SPATA6: variants seen among roughly 807,000 people sequenced by gnomAD.
SPATA6 encodes the protein spermatogenesis-associated protein 6.
Under a neutral mutation model 65.3 loss-of-function variants are expected in SPATA6, and 56 were observed. The ratio of observed to expected loss-of-function variants is 0.86; its 90% CI spans 0.69 to 1.07. The LOEUF is 1.07. Ranked by LOEUF, SPATA6 falls within the 50% of genes least tolerant of loss-of-function variation. The probability of loss-of-function intolerance (pLI) is 0.00; values close to 1 mark genes in which losing one functional copy is unlikely to be tolerated. For missense variants in SPATA6, 590 were observed against 594.8 expected (o/e 0.99, Z 0.08); for synonymous variants, 199 against 213.2 (o/e 0.93, Z 0.58).
intron 3 of SPATA6, among the ~76,000 whole-genome samples, chr1:48,421,115 TGGTGATCTATTGCACAGTAG>T (rs1653289412): frequency 6.6e-6 from 1 of 152,180 alleles, no homozygotes; most frequent in Non-Finnish European, 1.5e-5. Context: ...GGACTAATGC[TGGTGATCTATTGCACAGTAG>T]GGTGACCATA....
intron 11 of SPATA6, among the ~76,000 whole-genome samples, chr1:48,339,188 C>G (rs1159699615): frequency 1.3e-5 from 2 of 151,986 alleles, no homozygotes; most frequent in Non-Finnish European, 2.9e-5. Context: ...TTTGGAAAAA[C>G]TGGAGGCTAA....
chr1:48,470,092 C>T (rs1658119658), intron 1 of SPATA6, among the ~76,000 whole-genome samples: 1 of 152,148 alleles, frequency 6.6e-6, no homozygotes, highest in Non-Finnish European at 1.5e-5. Context: ...TTTTCTTTAG[C>T]TCTGATAAGT....
chr1:48,316,974 A>G (rs907889979), intron 11 of SPATA6, among the ~76,000 whole-genome samples: 2 of 152,220 alleles, frequency 1.3e-5, no homozygotes, highest in African/African-American at 4.8e-5. Context: ...CAAAACCACA[A>G]TGAGATACCA....
chr1:48,365,481 G>C (rs1185698707), intron 9 of SPATA6, among the ~76,000 whole-genome samples: 6 of 152,152 alleles, frequency 3.9e-5, no homozygotes, highest in Non-Finnish European at 7.3e-5. Flanking sequence ...TCCTTGAGCA[G>C]TGGTTTATAG....
chr1:48,321,221 G>C (rs910374604), intron 11 of SPATA6, among the ~76,000 whole-genome samples: 4 of 151,890 alleles, frequency 2.6e-5, no homozygotes, highest in Non-Finnish European at 5.9e-5. Flanking sequence ...GAAATGGAGT[G>C]GTGAAATAAA....
At chr1:48,309,716 A>G (rs1645152340) in intron 11 of SPATA6, among the ~76,000 whole-genome samples, 1 of 152,284 alleles carries the variant, frequency 6.6e-6, no homozygotes, top group African/African-American at 2.4e-5. Flanking sequence ...AGTTATTAGC[A>G]TAGTGATTTT....
chr1:48,415,738 G>C (rs1447298912), intron 3 of SPATA6, among the ~76,000 whole-genome samples: 1 of 130,156 alleles, frequency 7.7e-6, no homozygotes, highest in African/African-American at 2.8e-5. Flanking sequence ...AGAAGAAACA[G>C]AAAAAAAAAA....
the SPATA6 span, among the ~76,000 whole-genome samples, chr1:48,275,551 G>C: frequency 6.6e-6 from 1 of 152,238 alleles, no homozygotes; most frequent in Non-Finnish European, 1.5e-5. Context: ...TAGCAAGAAG[G>C]GGTGCTGAAT....
intron 9 of SPATA6, among the ~76,000 whole-genome samples, chr1:48,366,188 C>T (rs1003836454): frequency 9.9e-5 from 15 of 152,080 alleles, no homozygotes; most frequent in Middle Eastern, 3.2e-3. Flanking sequence ...CTGCTGGATT[C>T]GGTTTGCCAG....
chr1:48,399,178 A>C (rs1001085585), intron 7 of SPATA6, 173 bp downstream of exon 7: 1 of 781,532 alleles, frequency 1.3e-6, no homozygotes, highest in African/African-American at 1.8e-5. Context: ...AGACTGAAAA[A>C]AAGCAAGTTC....
At chr1:48,399,900 G>A (rs11205482) in intron 6 of SPATA6, among the ~76,000 whole-genome samples, 2,210 of 151,702 alleles carry the variant, frequency 0.015, 47 homozygotes, top group African/African-American at 0.049. Context: ...ATTAAAGCCC[G>A]ATACTTAATC....
chr1:48,425,097 T>G (rs1653713104), intron 3 of SPATA6, among the ~76,000 whole-genome samples: 1 of 152,194 alleles, frequency 6.6e-6, no homozygotes, highest in African/African-American at 2.4e-5. Context: ...TCCCCAATGT[T>G]TTCCTGTAGT....
intron 11 of SPATA6, among the ~76,000 whole-genome samples, chr1:48,348,129 C>T (rs564587576): frequency 5.3e-5 from 8 of 151,984 alleles, no homozygotes; most frequent in Non-Finnish European, 1.0e-4. Context: ...CAAGAACAAC[C>T]TACTGGGTGA....
At chr1:48,455,459 T>C (rs971603709) in intron 1 of SPATA6, among the ~76,000 whole-genome samples, 1 of 151,850 alleles carries the variant, frequency 6.6e-6, no homozygotes, top group South Asian at 2.1e-4. Context: ...CTAGGCTCAC[T>C]GCAAGCTCCG....
intron 3 of SPATA6, among the ~76,000 whole-genome samples, chr1:48,431,775 A>G (rs1654426385): frequency 6.6e-6 from 1 of 152,246 alleles, no homozygotes; most frequent in South Asian, 2.1e-4. Context: ...CAGGGAAAGC[A>G]GTACTAAGAG....
intron 9 of SPATA6, among the ~76,000 whole-genome samples, chr1:48,373,958 T>C (rs539467285): frequency 5.3e-5 from 8 of 152,324 alleles, no homozygotes; most frequent in African/African-American, 1.9e-4. Flanking sequence ...TCAATGTTTA[T>C]ATTAACTCTC....
chr1:48,366,710 C>A (rs761141819), intron 9 of SPATA6, among the ~76,000 whole-genome samples: 1 of 151,986 alleles, frequency 6.6e-6, no homozygotes, highest in Non-Finnish European at 1.5e-5. Context: ...ATGTTGCTAG[C>A]GGTCTATCAA....
Position 48,451,582 on chromosome 1 carries a change from C to T in SPATA6, c.208G>A (p.Asp70Asn), listed in dbSNP as rs767903850. The T allele has an allele frequency of 6.2e-7, 1 of 1,612,632 alleles. No individual in the cohort carries two copies. Among genetic ancestry groups the T allele is most frequent in the Admixed American group, 1.7e-5 (1 of 59,806 alleles). The change falls in exon 3 of 13, where the codon GAT (aspartate) becomes AAT (asparagine). Residue 70 changes from aspartate to asparagine, a missense_variant. By Grantham distance (23) the Asp-to-Asn change is conservative (BLOSUM62 1). Coordinates refer to ENST00000371847, the MANE Select transcript of SPATA6 (RefSeq NM_019073.4). Reference protein sequence around the residue: ...VFEKVFPDAVDPGDVVTQLEY... With the variant: ...VFEKVFPDAVNPGDVVTQLEY... Reference sequence around the variant, plus strand: ...AGCTGTGTAACCACATCTCCAGGATCTACTGCGTCCGGGAACACCTATAGT... The same window carrying T: ...AGCTGTGTAACCACATCTCCAGGATTTACTGCGTCCGGGAACACCTATAGT...
chr1:48,445,703 A>G (rs1302202398), intron 3 of SPATA6, among the ~76,000 whole-genome samples: 1 of 145,222 alleles, frequency 6.9e-6, no homozygotes, highest in East Asian at 2.1e-4. Flanking sequence ...CACATGTACC[A>G]CCTGAACGAA....
Sources: allele counts gnomAD v4.1 joint callset (sites outside exome capture counted in the v4.1 genomes callset), GRCh38; gene constraint gnomAD v4.1.1; transcripts MANE v1.5; gene names NCBI Gene and HGNC (gene_info 2026-07-23, HGNC 2026-07-21).